The following GAP43 variants were observed in gnomAD, a reference collection of about 807,000 sequenced individuals.
GAP43 encodes neuromodulin.
GAP43 carries 6 observed loss-of-function variants against 18.6 expected under a neutral mutation model. That is an observed-to-expected ratio of 0.32 (90% CI 0.18 to 0.64). The LOEUF (loss-of-function observed/expected upper bound fraction) is 0.64, where lower values mean the gene tolerates loss of function less well. Among genes scored for constraint, GAP43 ranks in the 30% least tolerant of loss-of-function variants. The pLI is 0.78. For synonymous variants in GAP43, 115 were observed against 111.4 expected, an observed-to-expected ratio of 1.03 and a Z score of -0.20; for missense variants, 292 against 295.5, an observed-to-expected ratio of 0.99 and a Z score of 0.09.
At chr3:115,650,566 ATCCTTGACTTGAAG>A (rs1274705663) in intron 1 of GAP43, among the ~76,000 whole-genome samples, 1 of 151,082 alleles carries the variant, frequency 6.6e-6, no homozygotes, top group African/African-American at 2.4e-5. Context: ...TCCCACTTCC[ATCCTTGACTTGAAG>A]TGGGACATTA....
intron 2 of GAP43, among the ~76,000 whole-genome samples, chr3:115,704,247 A>T (rs1709332452): frequency 6.6e-6 from 1 of 151,992 alleles, no homozygotes. Flanking sequence ...GATAGATGGG[A>T]GGAATTATCT....
At chr3:115,648,085 G>T (rs1237147947) in intron 1 of GAP43, among the ~76,000 whole-genome samples, 1 of 152,086 alleles carries the variant, frequency 6.6e-6, no homozygotes, top group Non-Finnish European at 1.5e-5. Flanking sequence ...TTTCAATTTG[G>T]CTAACCAGTT....
At chr3:115,705,640 C>G (rs1023096144) in intron 2 of GAP43, among the ~76,000 whole-genome samples, 1 of 151,976 alleles carries the variant, frequency 6.6e-6, no homozygotes, top group Admixed American at 6.6e-5. Flanking sequence ...ACATAAAAAA[C>G]CCAAACTTTT....
At chr3:115,647,624 G>A (rs1470763263) in intron 1 of GAP43, among the ~76,000 whole-genome samples, 1 of 151,894 alleles carries the variant, frequency 6.6e-6, no homozygotes, top group East Asian at 1.9e-4. Context: ...GCATGGTCAT[G>A]GAGCCTTGAG....
intron 1 of GAP43, among the ~76,000 whole-genome samples, chr3:115,646,234 AT>A (rs1309568137): frequency 1.3e-5 from 2 of 151,650 alleles, no homozygotes; most frequent in African/African-American, 2.4e-5. Flanking sequence ...ACCTATAAAG[AT>A]TTTTTTTTCC....
At chr3:115,661,263 CT>C in intron 1 of GAP43, 1 of 152,308 alleles carries the variant, frequency 6.6e-6, no homozygotes, top group Non-Finnish European at 1.5e-5. Context: ...GTTTTCTGTG[CT>C]TTTTTTCACC....
At chr3:115,668,462 T>G (rs1708762070) in intron 1 of GAP43, among the ~76,000 whole-genome samples, 1 of 152,296 alleles carries the variant, frequency 6.6e-6, no homozygotes, top group Non-Finnish European at 1.5e-5. Context: ...TTCGCTCTTG[T>G]TGCCCAGGCT....
chr3:115,692,316 T>C (rs1709125638), intron 2 of GAP43, among the ~76,000 whole-genome samples: 1 of 152,218 alleles, frequency 6.6e-6, no homozygotes, highest in Non-Finnish European at 1.5e-5. Flanking sequence ...GCAAGGACTG[T>C]ATTCTACTGT....
At chr3:115,695,660 T>C (rs1270109244) in intron 2 of GAP43, among the ~76,000 whole-genome samples, 3 of 152,122 alleles carry the variant, frequency 2.0e-5, no homozygotes, top group Non-Finnish European at 4.4e-5. Context: ...CAACCAGAGT[T>C]GTCTATACTC....
intron 1 of GAP43, among the ~76,000 whole-genome samples, chr3:115,634,435 A>G (rs1708303902): frequency 6.6e-6 from 1 of 152,098 alleles, no homozygotes; most frequent in Admixed American, 6.6e-5. Flanking sequence ...GGTCTACACA[A>G]ATTTTAATAG....
At chr3:115,718,577 G>T (rs1270721370) in intron 2 of GAP43, among the ~76,000 whole-genome samples, 1 of 152,052 alleles carries the variant, frequency 6.6e-6, no homozygotes, top group Non-Finnish European at 1.5e-5. Context: ...GAAAGCTATA[G>T]CCTTAAAAAA....
At chr3:115,649,207 G>C (rs1708494445) in intron 1 of GAP43, among the ~76,000 whole-genome samples, 1 of 152,110 alleles carries the variant, frequency 6.6e-6, no homozygotes, top group South Asian at 2.1e-4. Flanking sequence ...CCAAGATGGT[G>C]CTTTACTGTT....
chr3:115,633,648 A>C (rs1708292225), intron 1 of GAP43, among the ~76,000 whole-genome samples: 1 of 152,178 alleles, frequency 6.6e-6, no homozygotes, highest in East Asian at 1.9e-4. Flanking sequence ...ACACCTAAAA[A>C]AGAAAGGTCA....
intron 2 of GAP43, among the ~76,000 whole-genome samples, chr3:115,684,026 G>T (rs985041669): frequency 2.0e-5 from 3 of 152,144 alleles, no homozygotes; most frequent in African/African-American, 7.2e-5. Flanking sequence ...AGGATTATGA[G>T]AATTAAAATA....
At chr3:115,634,568 G>C (rs1192631801) in intron 1 of GAP43, among the ~76,000 whole-genome samples, 1 of 151,986 alleles carries the variant, frequency 6.6e-6, no homozygotes, top group African/African-American at 2.4e-5. Flanking sequence ...TCAGGAGTTC[G>C]AGACCAGCCT....
At chr3:115,720,459 G>T (rs1709563728) in intron 2 of GAP43, among the ~76,000 whole-genome samples, 2 of 152,160 alleles carry the variant, frequency 1.3e-5, no homozygotes, top group South Asian at 4.1e-4. Flanking sequence ...ATACAAGATT[G>T]TCGTTGATTC....
In GAP43 at chr3:115,716,717, AATATATATATATATATATATATATATAT is replaced by A. The variant is rs3995850; in HGVS notation, c.629-4053_629-4026del. Among the ~76,000 whole-genome samples the A allele has an allele frequency of 5.0e-4, 22 of 43,936 alleles. 1 individual carries two copies. The East Asian group carries it at 0.016, about 32-fold the overall frequency. 28.8% of individuals were successfully genotyped at this position (43,936 alleles called of 152,430 possible). ...TAAAAAATTACTTTAATCTCAGACA[AATATATATATATATATATATATATATAT>A]ATATATATATATATATATATATACA... is the stretch of plus-strand genomic sequence containing the variant. On this transcript the variant is annotated intron_variant, in intron 2 of 2. Coordinates refer to ENST00000305124, the MANE Select transcript of GAP43 (RefSeq NM_002045.4).
intron 1 of GAP43, among the ~76,000 whole-genome samples, chr3:115,630,672 C>T (rs1218215240): frequency 6.2e-4 from 94 of 152,192 alleles, no homozygotes; most frequent in Admixed American, 6.1e-3. Context: ...GCCATACCCT[C>T]ACTTGATATC....
intron 1 of GAP43, among the ~76,000 whole-genome samples, chr3:115,655,337 T>C (rs1435945093): frequency 6.6e-6 from 1 of 152,230 alleles, no homozygotes; most frequent in Non-Finnish European, 1.5e-5. Flanking sequence ...GATGAAATCC[T>C]TTCTGCTAAT....
Sources: gnomAD v4.1 joint callset for allele counts (sites outside exome capture counted in the v4.1 genomes callset) on GRCh38, gnomAD v4.1.1 for gene constraint, MANE v1.5 for transcripts, NCBI Gene and HGNC (gene_info 2026-07-23, HGNC 2026-07-21) for gene names.